Variants in SNX29 observed in about 807,000 individuals in gnomAD.
SNX29 encodes the protein sorting nexin 29.
A neutral mutation model predicts 102.1 loss-of-function variants in SNX29; 78 were observed. The ratio of observed to expected loss-of-function variants is 0.76; its 90% confidence interval spans 0.64 to 0.92. The LOEUF (loss-of-function observed/expected upper bound fraction) is 0.92. SNX29 is among the 40% of genes least tolerant of loss of function. SNX29 has a pLI of 0.00. For missense variants in SNX29, 1,280 were observed against 1,061.7 expected (o/e 1.21, Z -2.86); for synonymous variants, 580 against 414.5 (o/e 1.40, Z -4.85).
intron 5 of SNX29, among the ~76,000 whole-genome samples, chr16:12,045,382 G>A (rs557436434): frequency 2.8e-5 from 4 of 142,670 alleles, no homozygotes; most frequent in Non-Finnish European, 4.7e-5. Flanking sequence ...GGGATTTTTG[G>A]TTGCCATTAC....
chr16:12,177,036 C>T (rs907076070), intron 13 of SNX29, among the ~76,000 whole-genome samples: 2 of 152,096 alleles, frequency 1.3e-5, no homozygotes, highest in Non-Finnish European at 2.9e-5. Flanking sequence ...TAGCTTCCAA[C>T]TCCTGGGATC....
chr16:12,161,014 T>C (rs1315075732), intron 13 of SNX29, among the ~76,000 whole-genome samples: 1 of 152,246 alleles, frequency 6.6e-6, no homozygotes, highest in African/African-American at 2.4e-5. Flanking sequence ...TCAGGATTGC[T>C]GACATGCTAC....
Position 12,543,097 on chromosome 16 carries a change from G to A in SNX29, c.2318+18256G>A, listed in dbSNP as rs547426292. On this transcript the variant is annotated intron_variant, in intron 20 of 20. Transcript: ENST00000566228. ...TCAAGCATGTTCTGTCTGGTGGAAA[G>A]ATGGATCCTGGCAGCTGCGTATCTT... is the stretch of plus-strand genomic sequence containing the variant. Among the ~76,000 whole-genome samples the A allele has an allele frequency of 2.6e-5, 4 of 152,358 alleles. No homozygotes were observed. In the South Asian group the frequency reaches 8.3e-4, roughly 32 times the overall value.
At chr16:12,013,500 A>AAAAAAAAAAAAAAT in intron 3 of SNX29, among the ~76,000 whole-genome samples, 6 of 31,628 alleles carry the variant, frequency 1.9e-4, no homozygotes, top group Non-Finnish European at 2.5e-4. Context: ...AAAAAAAAAA[A>AAAAAAAAAAAAAAT]ATATATATAT....
At chr16:12,476,716 A>G (rs187003629) in intron 18 of SNX29, among the ~76,000 whole-genome samples, 78 of 152,092 alleles carry the variant, frequency 5.1e-4, no homozygotes, top group Admixed American at 1.2e-3. Flanking sequence ...TCGTGGTTTT[A>G]GTCTCTAGTC....
At chr16:12,166,207 G>C (rs1260758869) in intron 13 of SNX29, among the ~76,000 whole-genome samples, 2 of 152,202 alleles carry the variant, frequency 1.3e-5, no homozygotes, top group Admixed American at 6.5e-5. Context: ...AGCATCTCCT[G>C]TGTGTCAGGC....
At chr16:12,236,738 G>A (rs1054361511) in intron 14 of SNX29, among the ~76,000 whole-genome samples, 10 of 152,320 alleles carry the variant, frequency 6.6e-5, no homozygotes, top group Admixed American at 5.9e-4. Context: ...TTCCTCTTTC[G>A]CATCTCCCTT....
chr16:12,521,214 G>A (rs565086603), intron 19 of SNX29, among the ~76,000 whole-genome samples: 4 of 151,956 alleles, frequency 2.6e-5, no homozygotes, highest in Admixed American at 6.6e-5. Flanking sequence ...TAAAACACTC[G>A]TTCATGTAAC....
intron 19 of SNX29, among the ~76,000 whole-genome samples, chr16:12,494,422 C>T (rs1404761675): frequency 6.6e-6 from 1 of 152,192 alleles, no homozygotes; most frequent in African/African-American, 2.4e-5. Context: ...GGCATGGCCT[C>T]TTGCGTCAGT....
At chr16:12,528,118 C>G (rs551808129) in intron 20 of SNX29, among the ~76,000 whole-genome samples, 1 of 152,058 alleles carries the variant, frequency 6.6e-6, no homozygotes, top group Non-Finnish European at 1.5e-5. Flanking sequence ...AGCCACCGCA[C>G]CTGGCCTGTT....
intron 18 of SNX29, among the ~76,000 whole-genome samples, chr16:12,464,957 T>TGGTA (rs1307328532): frequency 6.6e-6 from 1 of 152,216 alleles, no homozygotes; most frequent in East Asian, 1.9e-4. Context: ...AGGTGTGCAG[T>TGGTA]GGTATCTCAT....
chr16:12,540,442 C>T (rs913646881), intron 20 of SNX29, among the ~76,000 whole-genome samples: 1 of 152,212 alleles, frequency 6.6e-6, no homozygotes, highest in Non-Finnish European at 1.5e-5. Flanking sequence ...GCTGTGGAGG[C>T]CAGAAGTCCG....
At chr16:12,493,631 G>GTCA (rs1278155538) in intron 19 of SNX29, among the ~76,000 whole-genome samples, 3 of 152,182 alleles carry the variant, frequency 2.0e-5, no homozygotes, top group African/African-American at 7.2e-5. Context: ...TCTCACTCTT[G>GTCA]CCCAGGCTGG....
At chr16:12,553,682 C>T (rs984339634) in intron 20 of SNX29, among the ~76,000 whole-genome samples, 1 of 150,388 alleles carries the variant, frequency 6.6e-6, no homozygotes, top group Non-Finnish European at 1.5e-5. Context: ...CCTCCGCCTC[C>T]TGGGTTCAAA....
intron 16 of SNX29, among the ~76,000 whole-genome samples, chr16:12,398,038 T>G (rs533979436): frequency 6.6e-6 from 1 of 152,198 alleles, no homozygotes; most frequent in Non-Finnish European, 1.5e-5. Flanking sequence ...GACATTGGCC[T>G]TTTGTGTTTA....
intron 18 of SNX29, among the ~76,000 whole-genome samples, chr16:12,437,167 A>T (rs184241474): frequency 6.6e-6 from 1 of 152,374 alleles, no homozygotes; most frequent in Admixed American, 6.5e-5. Context: ...GTAATTTTTC[A>T]GGGTAGCCCA....
intron 20 of SNX29, among the ~76,000 whole-genome samples, chr16:12,540,630 G>A (rs891393271): frequency 7.9e-5 from 12 of 152,320 alleles, no homozygotes; most frequent in Non-Finnish European, 1.5e-4. Context: ...AAAGAGTCCA[G>A]GATCATCTCC....
chr16:12,052,361 C>T (rs2050344127), intron 8 of SNX29, 139 bp downstream of exon 8: 5 of 829,226 alleles, frequency 6.0e-6, no homozygotes, highest in African/African-American at 1.7e-5. Context: ...GGATTACAGG[C>T]ACCTGTCACC....
chr16:12,256,034 A>T (rs1181716117), intron 14 of SNX29, among the ~76,000 whole-genome samples: 2 of 152,064 alleles, frequency 1.3e-5, no homozygotes, highest in African/African-American at 4.8e-5. Flanking sequence ...CCTCACCAAC[A>T]TTTATCTTTC....
Sources: allele counts gnomAD v4.1 joint callset (sites outside exome capture counted in the v4.1 genomes callset), GRCh38; gene constraint gnomAD v4.1.1; transcripts MANE v1.5; gene names NCBI Gene and HGNC (gene_info 2026-07-23, HGNC 2026-07-21).